Variants in DACH1 observed in about 807,000 individuals in gnomAD.
DACH1 encodes the protein dachshund family transcription factor 1.
Under a neutral mutation model 54.2 loss-of-function variants are expected in DACH1, and 12 were observed. That is an observed-to-expected ratio of 0.22 (90% CI 0.14 to 0.36). DACH1 has a LOEUF of 0.36. DACH1 is among the 10% of genes least tolerant of loss of function. The pLI, the probability that DACH1 is intolerant of heterozygous loss-of-function variation, is 1.00. For synonymous variants in DACH1, 386 were observed against 366.2 expected (o/e 1.05, Z -0.62); for missense variants, 805 against 929.8 (o/e 0.87, Z 1.75).
intron 6 of DACH1, among the ~76,000 whole-genome samples, chr13:71,505,434 T>C (rs1405991836): frequency 6.6e-6 from 1 of 152,170 alleles, no homozygotes. Context: ...TATATTACTA[T>C]AGATAAAATA....
chr13:71,475,932 ATAT>A, intron 8 of DACH1, 83 bp from the exon 9 acceptor site: 1 of 1,060,356 alleles, frequency 9.4e-7, no homozygotes, highest in Non-Finnish European at 1.3e-6. Flanking sequence ...TATATTTTTT[ATAT>A]TATTCATTTT....
At chr13:71,850,036 C>T (rs570022132) in intron 1 of DACH1, among the ~76,000 whole-genome samples, 3 of 152,122 alleles carry the variant, frequency 2.0e-5, no homozygotes, top group Non-Finnish European at 2.9e-5. Context: ...GTTGAACAGC[C>T]CAAACAGGTC....
chr13:71,798,319 CATACATATATATAT>C (rs1164039344), intron 1 of DACH1, among the ~76,000 whole-genome samples: 105 of 85,468 alleles, frequency 1.2e-3, no homozygotes, highest in Admixed American at 4.5e-3. Flanking sequence ...GAACTTGTTA[CATACATATATATAT>C]ATATATATAT....
intron 2 of DACH1, among the ~76,000 whole-genome samples, chr13:71,669,434 C>G (rs1880079423): frequency 6.6e-6 from 1 of 152,174 alleles, no homozygotes; most frequent in Admixed American, 6.5e-5. Context: ...GCCTGATGAT[C>G]TGTCACTGTC....
intron 7 of DACH1, 96 bp downstream of exon 7, chr13:71,488,901 T>C (rs1878757942): frequency 1.7e-6 from 2 of 1,186,770 alleles, no homozygotes; most frequent in Non-Finnish European, 2.4e-6. Context: ...TCAGTCAGTC[T>C]AATGGGATTA....
intron 1 of DACH1, among the ~76,000 whole-genome samples, chr13:71,815,443 AGAT>A (rs377276922): frequency 1.8e-4 from 28 of 152,326 alleles, no homozygotes; most frequent in African/African-American, 6.5e-4. Context: ...TCTTACATAT[AGAT>A]GCAGACTGTG....
intron 4 of DACH1, among the ~76,000 whole-genome samples, chr13:71,562,565 T>C (rs1427737275): frequency 1.3e-5 from 2 of 152,152 alleles, no homozygotes; most frequent in Admixed American, 1.3e-4. Context: ...CAGATTAAGA[T>C]ATTTTGAAAT....
At chr13:71,748,872 TTCTTTCTTTC>T (rs1566476596) in intron 1 of DACH1, among the ~76,000 whole-genome samples, 1 of 21,710 alleles carries the variant, frequency 4.6e-5, no homozygotes, top group Non-Finnish European at 2.0e-4. Context: ...CTTTCTTTCT[TTCTTTCTTTC>T]TTTCTTTCTT....
intron 1 of DACH1, among the ~76,000 whole-genome samples, chr13:71,748,844 C>CTCTTTCTTTCTTTCTTTCTT (rs201889116): frequency 2.3e-5 from 3 of 131,234 alleles, no homozygotes; most frequent in East Asian, 5.3e-4. Flanking sequence ...AATATTTTTT[C>CTCTTTCTTTCTTTCTTTCTT]TCTTTCTTTC....
intron 1 of DACH1, among the ~76,000 whole-genome samples, chr13:71,854,575 C>T (rs1330419245): frequency 6.6e-6 from 1 of 152,014 alleles, no homozygotes; most frequent in Non-Finnish European, 1.5e-5. Context: ...GGAAAGAGAG[C>T]TAGAAAGTGC....
chr13:71,671,714 T>C lies in DACH1; in HGVS notation c.964+10081A>G, dbSNP rs566291239. 2.6e-5 allele frequency among the ~76,000 whole-genome samples: 4 copies of C among 152,204 alleles called. No homozygotes were observed. The South Asian group carries it at 8.3e-4, about 32-fold the overall frequency. ...TCGTATTGTTTTGTAACATAAACAA[T>C]ATAGCCTATTAAATAAATTGAATAG... On this transcript the variant is annotated intron_variant, in intron 2 of 10. Transcript: ENST00000613252.
chr13:71,593,202 T>C (rs899707964), intron 3 of DACH1, among the ~76,000 whole-genome samples: 2 of 152,158 alleles, frequency 1.3e-5, no homozygotes, highest in African/African-American at 4.8e-5. Context: ...GAGAGGAACA[T>C]CCTTTTATCG....
At chr13:71,802,367 T>A (rs73491936) in intron 1 of DACH1, among the ~76,000 whole-genome samples, 4,045 of 152,192 alleles carry the variant, frequency 0.027, 186 homozygotes, top group African/African-American at 0.091. Context: ...ATTTAATACT[T>A]TTTTCTATTA....
chr13:71,620,697 A>G (rs1876167710), intron 3 of DACH1, among the ~76,000 whole-genome samples: 1 of 151,962 alleles, frequency 6.6e-6, no homozygotes, highest in Non-Finnish European at 1.5e-5. Context: ...CTATCATTTT[A>G]AGTTAAATAT....
chr13:71,732,960 G>A (rs1425196814), intron 1 of DACH1, among the ~76,000 whole-genome samples: 3 of 151,956 alleles, frequency 2.0e-5, no homozygotes, highest in Non-Finnish European at 4.4e-5. Flanking sequence ...GGTTCCCCAT[G>A]ATCTTTCCTA....
At chr13:71,580,708 C>T (rs1316449001) in intron 3 of DACH1, among the ~76,000 whole-genome samples, 1 of 152,140 alleles carries the variant, frequency 6.6e-6, no homozygotes, top group African/African-American at 2.4e-5. Flanking sequence ...TTATCTCCTT[C>T]CTAAACCTGG....
chr13:71,489,014 G>T lies in DACH1; in HGVS notation c.1705C>A (p.Leu569Ile). 6.2e-7 allele frequency: 1 copy of T among 1,613,628 alleles called. No homozygotes were observed. The highest frequency in any genetic ancestry group is 8.5e-7 in the Non-Finnish European group (1 of 1,179,748). Reference protein sequence around the residue: ...FPDGLSSIETLLTNIQGLLKV... With the variant: ...FPDGLSSIETILTNIQGLLKV... ...AGGCCTACCTGTATGTTAGTCAGAA[G>T]AGTCTCGATGGAAGACAGTCCATCA... The change falls in exon 7 of 11, where the codon CTT (leucine) becomes ATT (isoleucine). Residue 569 changes from leucine to isoleucine, a missense_variant. Transcript: ENST00000613252.
At chr13:71,503,097 G>T (rs1880051641) in intron 6 of DACH1, among the ~76,000 whole-genome samples, 1 of 152,084 alleles carries the variant, frequency 6.6e-6, no homozygotes, top group Non-Finnish European at 1.5e-5. Context: ...AATGACAAAG[G>T]TTTCTTCAAG....
chr13:71,853,769 T>A (rs561520983), intron 1 of DACH1, among the ~76,000 whole-genome samples: 41 of 152,346 alleles, frequency 2.7e-4, no homozygotes, highest in African/African-American at 8.7e-4. Flanking sequence ...CATGCAAATA[T>A]TCAATATTCA....
Sources: gnomAD v4.1 joint callset for allele counts (sites outside exome capture counted in the v4.1 genomes callset) on GRCh38, gnomAD v4.1.1 for gene constraint, MANE v1.5 for transcripts, NCBI Gene and HGNC (gene_info 2026-07-23, HGNC 2026-07-21) for gene names.